The following MCTP2 variants were observed in gnomAD, a reference collection of about 807,000 sequenced individuals.
MCTP2 encodes multiple C2 and transmembrane domain-containing protein 2.
MCTP2 carries 132 observed loss-of-function variants against 111.6 expected under a neutral mutation model. The ratio of observed to expected loss-of-function variants is 1.18; its 90% CI spans 1.03 to 1.37. The LOEUF is 1.37. MCTP2 is among the 40% of genes most tolerant of loss of function. The pLI is 0.00. For synonymous variants in MCTP2, 395 were observed against 387.7 expected (o/e 1.02, Z -0.22); for missense variants, 1,183 against 1,067.9 (o/e 1.11, Z -1.50).
intron 20 of MCTP2, among the ~76,000 whole-genome samples, chr15:94,469,251 A>C (rs1411805909): frequency 6.6e-6 from 1 of 152,174 alleles, no homozygotes; most frequent in Admixed American, 6.5e-5. Flanking sequence ...ATTAAGAAGA[A>C]ATACTCTCGG....
intron 1 of MCTP2, among the ~76,000 whole-genome samples, chr15:94,244,714 CTA>C (rs1300602515): frequency 4.1e-5 from 6 of 147,770 alleles, no homozygotes; most frequent in Admixed American, 6.7e-5. Context: ...ACATATGCAC[CTA>C]TGTTTATATT....
At chr15:94,411,725 G>T (rs2082159885) in intron 17 of MCTP2, among the ~76,000 whole-genome samples, 1 of 151,946 alleles carries the variant, frequency 6.6e-6, no homozygotes, top group Non-Finnish European at 1.5e-5. Flanking sequence ...TTATTATAAA[G>T]CCTGATCATC....
At chr15:94,446,113 T>C (rs1436754596) in intron 19 of MCTP2, among the ~76,000 whole-genome samples, 2 of 152,242 alleles carry the variant, frequency 1.3e-5, no homozygotes, top group Admixed American at 6.5e-5. Flanking sequence ...GAAAAGTTCA[T>C]GGTAGTAACT....
In MCTP2 at chr15:94,440,204, A is replaced by G. The variant is rs372926535; in HGVS notation, c.2114A>G (p.Glu705Gly). Residue 705 changes from glutamate to glycine, a missense_variant, in exon 18 of 23, where the codon GAA becomes GGA. Glu to Gly is a moderately conservative substitution (Grantham distance 98). Transcript: ENST00000357742. ...TTTTTGATCACTGTCTGGAATTTTG[A>G]ACTATATATGATCCCCTTGGCATTG... ...AVFLITVWNF[E>G]LYMIPLALLL... 69 of 1,613,846 alleles carry G rather than the reference A, an allele frequency of 4.3e-5. 1 individual carries two copies. The Middle Eastern group carries it at 5.0e-4, about 12-fold the overall frequency.
intron 1 of MCTP2, among the ~76,000 whole-genome samples, chr15:94,232,881 T>G: frequency 6.6e-6 from 1 of 152,176 alleles, no homozygotes; most frequent in Admixed American, 6.6e-5. Flanking sequence ...AAGAATTAGC[T>G]CTGTGCCAAG....
chr15:94,340,413 C>G, intron 6 of MCTP2, 138 bp downstream of exon 6: 2 of 673,148 alleles, frequency 3.0e-6, no homozygotes, highest in Non-Finnish European at 5.0e-6. Context: ...AGTGTTATAA[C>G]TGTCAGTGTA....
Position 94,464,257 on chromosome 15 carries a change from T to TTATATATATATATATTATA in MCTP2, c.2360+6026_2360+6027insTATATATATATATATATAT, listed in dbSNP as rs2085425086. Among the ~76,000 whole-genome samples the TTATATATATATATATTATA allele has an allele frequency of 6.7e-5, 3 of 44,968 alleles. 1 individual carries two copies. The highest frequency in any genetic ancestry group is 1.8e-4 in the African/African-American group (3 of 16,670). The allele number at this position is 44,968 out of a possible 152,430, so 29.5% of individuals were successfully genotyped here. ...TATATATAATATATATATATATATA[T>TTATATATATATATATTATA]TATATATATATATATATATATAAAC... On this transcript the variant is annotated intron_variant, in intron 20 of 22. Transcript: ENST00000357742.
Position 94,483,024 on chromosome 15 carries a change from G to T in MCTP2, c.*3990G>T, listed in dbSNP as rs552945410. On this transcript the variant is annotated 3_prime_UTR_variant, in exon 23 of 23. Transcript: ENST00000357742. ...AAGTGAGTGGATGTGAAAATATGGG[G>T]CCTCTGAATGGAGGTAACCCTTGAA... is the stretch of plus-strand genomic sequence containing the variant. 1 of 152,170 alleles carries T rather than the reference G, an allele frequency of 6.6e-6. No homozygotes were observed. Among genetic ancestry groups the T allele is most frequent in the Non-Finnish European group, 1.5e-5 (1 of 68,040 alleles). 9.4% of individuals were successfully genotyped at this position (152,170 alleles called of 1,614,324 possible). A position where few individuals can be genotyped will look rare whatever the true frequency, so the allele number is the denominator to read the frequency against.
At chr15:94,294,135 C>A (rs1036548807) in intron 1 of MCTP2, among the ~76,000 whole-genome samples, 9 of 152,110 alleles carry the variant, frequency 5.9e-5, no homozygotes, top group Non-Finnish European at 1.3e-4. Flanking sequence ...CTGTGTGATT[C>A]CGTTTAGAAA....
chr15:94,301,989 TGAA>T (rs3041715), intron 2 of MCTP2, among the ~76,000 whole-genome samples: 2,663 of 152,172 alleles, frequency 0.017, 73 homozygotes, highest in African/African-American at 0.061. Flanking sequence ...GAGGAAGAAA[TGAA>T]GAAGAAGGAA....
chr15:94,241,631 C>T (rs564703013), intron 1 of MCTP2, among the ~76,000 whole-genome samples: 264 of 152,142 alleles, frequency 1.7e-3, no homozygotes, highest in Non-Finnish European at 2.1e-3. Flanking sequence ...ATATTATGTG[C>T]TGATGTATGA....
At chr15:94,402,645 C>A in intron 17 of MCTP2, 1 of 1,542,738 alleles carries the variant, frequency 6.5e-7, no homozygotes, top group Non-Finnish European at 8.7e-7. Context: ...CTTGGAAGGA[C>A]TTCACAGCTG....
intron 1 of MCTP2, among the ~76,000 whole-genome samples, chr15:94,243,902 CAT>C (rs1369806863): frequency 2.8e-5 from 4 of 140,420 alleles, no homozygotes; most frequent in Admixed American, 2.1e-4. Context: ...TATGTATACA[CAT>C]ACATATGTGT....
chr15:94,353,642 G>T (rs1316631183), intron 8 of MCTP2, among the ~76,000 whole-genome samples: 1 of 152,198 alleles, frequency 6.6e-6, no homozygotes, highest in African/African-American at 2.4e-5. Flanking sequence ...AATAGATGCA[G>T]TGTTTAGGGA....
intron 19 of MCTP2, among the ~76,000 whole-genome samples, chr15:94,457,776 T>C (rs901782857): frequency 6.6e-6 from 1 of 152,176 alleles, no homozygotes; most frequent in African/African-American, 2.4e-5. Flanking sequence ...TAGGGTGAGC[T>C]TCAGAAAACC....
At chr15:94,431,187 A>C (rs1056322957) in intron 17 of MCTP2, among the ~76,000 whole-genome samples, 1 of 152,242 alleles carries the variant, frequency 6.6e-6, no homozygotes, top group African/African-American at 2.4e-5. Context: ...CCAGGAAATA[A>C]AGTAGTGACA....
chr15:94,319,037 G>GTTTTTTT (rs35821375), intron 4 of MCTP2, among the ~76,000 whole-genome samples: 5 of 146,462 alleles, frequency 3.4e-5, no homozygotes, highest in Non-Finnish European at 4.5e-5. Context: ...ATTGTTCTTG[G>GTTTTTTT]TTTTTTTTTT....
At chr15:94,459,772 T>C (rs1478278636) in intron 20 of MCTP2, among the ~76,000 whole-genome samples, 1 of 152,226 alleles carries the variant, frequency 6.6e-6, no homozygotes, top group African/African-American at 2.4e-5. Flanking sequence ...TTGGTCTAAG[T>C]TGGTCTAAGA....
chr15:94,422,885 G>A (rs1456015460), intron 17 of MCTP2, among the ~76,000 whole-genome samples: 2 of 151,978 alleles, frequency 1.3e-5, no homozygotes, highest in Non-Finnish European at 2.9e-5. Flanking sequence ...TGTAAAGATG[G>A]GGTTTCCACT....
Sources: gnomAD v4.1 joint callset for allele counts (sites outside exome capture counted in the v4.1 genomes callset) on GRCh38, gnomAD v4.1.1 for gene constraint, MANE v1.5 for transcripts, NCBI Gene and HGNC (gene_info 2026-07-23, HGNC 2026-07-21) for gene names.